TBL1XR1: variants seen among roughly 807,000 people sequenced by gnomAD.
TBL1XR1 encodes TBL1X/Y related 1.
Under a neutral mutation model 66.9 loss-of-function variants are expected in TBL1XR1, and 5 were observed. The observed-to-expected ratio is 0.07, with a 90% CI of 0.04 to 0.16. TBL1XR1 has a LOEUF of 0.16. Among genes scored for constraint, TBL1XR1 ranks in the 10% least tolerant of loss-of-function variants. The pLI, the probability that TBL1XR1 is intolerant of heterozygous loss-of-function variation, is 1.00. For synonymous variants in TBL1XR1, 210 were observed against 206.0 expected, an observed-to-expected ratio of 1.02 and a Z score of -0.17; for missense variants, 238 against 623.2, an observed-to-expected ratio of 0.38 and a Z score of 6.58.
At chr3:177,097,341 C>G (rs915422760) in intron 2 of TBL1XR1, among the ~76,000 whole-genome samples, 1 of 151,674 alleles carries the variant, frequency 6.6e-6, no homozygotes, top group African/African-American at 2.4e-5. Context: ...TTATTTATCC[C>G]CAAAATACAC....
At chr3:177,037,235 AT>A (rs1183860862) in intron 12 of TBL1XR1, among the ~76,000 whole-genome samples, 1 of 152,186 alleles carries the variant, frequency 6.6e-6, no homozygotes, top group Non-Finnish European at 1.5e-5. Flanking sequence ...TTGAGTACTT[AT>A]TAAGTCAAAT....
chr3:177,142,240 A>T (rs1729720229), intron 1 of TBL1XR1, among the ~76,000 whole-genome samples: 1 of 152,234 alleles, frequency 6.6e-6, no homozygotes, highest in African/African-American at 2.4e-5. Context: ...TGGAAGCAGC[A>T]GCAGAAGTAC....
rs1327286156 is a variant in TBL1XR1 at position 177,181,098 on chromosome 3, ACT to A, written c.-122+16021_-122+16022del. On this transcript the variant is annotated intron_variant, in intron 1 of 15. Transcript: ENST00000457928. ...GAAGTAGAGGATGTTGCCTCAGCTC[ACT>A]CTGACAACTCGGTGTTGCCATCACC... 4.6e-5 allele frequency among the ~76,000 whole-genome samples: 7 copies of A among 151,818 alleles called. No individual in the cohort carries two copies. In the East Asian group the frequency reaches 1.4e-3, roughly 30 times the overall value.
intron 5 of TBL1XR1, among the ~76,000 whole-genome samples, chr3:177,050,861 A>T (rs1243917518): frequency 6.6e-6 from 1 of 152,124 alleles, no homozygotes; most frequent in African/African-American, 2.4e-5. Flanking sequence ...GAGACTTTAA[A>T]TGATTAGACC....
rs1265523313 is a variant in TBL1XR1 at position 177,024,071 on chromosome 3, G to C, written c.*1427C>G. On this transcript the variant is annotated 3_prime_UTR_variant, in exon 16 of 16. Coordinates refer to ENST00000457928, the MANE Select transcript of TBL1XR1 (RefSeq NM_024665.7). ...AAGAAAATACTTGATATTATAAACA[G>C]AGTAAAAGACATGATATAGTAGTGA... The C allele has an allele frequency of 1.3e-5, 2 of 151,296 alleles. No individual in the cohort carries two copies. The highest frequency in any genetic ancestry group is 1.3e-4 in the Admixed American group (2 of 15,158). The allele number at this position is 151,296 out of a possible 1,614,324, so 9.4% of individuals were successfully genotyped here. A position where few individuals can be genotyped will look rare whatever the true frequency, so the allele number is the denominator to read the frequency against.
At chr3:177,041,530 C>T (rs1374717787) in intron 10 of TBL1XR1, among the ~76,000 whole-genome samples, 1 of 152,160 alleles carries the variant, frequency 6.6e-6, no homozygotes, top group African/African-American at 2.4e-5. Flanking sequence ...TGGCACAGGG[C>T]CTGCCTTTTG....
intron 1 of TBL1XR1, among the ~76,000 whole-genome samples, chr3:177,114,964 G>A (rs1390341214): frequency 6.6e-6 from 1 of 151,814 alleles, no homozygotes; most frequent in Non-Finnish European, 1.5e-5. Flanking sequence ...GGGCAACAGA[G>A]TAAGACCTTG....
chr3:177,110,118 T>C (rs1725377286), intron 1 of TBL1XR1, among the ~76,000 whole-genome samples: 1 of 152,200 alleles, frequency 6.6e-6, no homozygotes, highest in Non-Finnish European at 1.5e-5. Flanking sequence ...ATAATTGACA[T>C]GTTGTATATG....
chr3:177,165,568 T>TA (rs1040207533), intron 1 of TBL1XR1, among the ~76,000 whole-genome samples: 1 of 152,128 alleles, frequency 6.6e-6, no homozygotes, highest in Admixed American at 6.5e-5. Context: ...CAAGACTTCC[T>TA]AAAAAGCTAC....
intron 2 of TBL1XR1, among the ~76,000 whole-genome samples, chr3:177,077,828 A>C (rs1291788856): frequency 2.0e-5 from 3 of 152,234 alleles, no homozygotes; most frequent in African/African-American, 7.2e-5. Flanking sequence ...TGTACCCCTA[A>C]GTGCAGTTTT....
chr3:177,157,852 A>T (rs1252158192), intron 1 of TBL1XR1, among the ~76,000 whole-genome samples: 1 of 152,238 alleles, frequency 6.6e-6, no homozygotes, highest in Non-Finnish European at 1.5e-5. Context: ...CTTCGTCTTA[A>T]ATTGTGGTAG....
At chr3:177,035,449 C>G (rs2108420825) in intron 12 of TBL1XR1, among the ~76,000 whole-genome samples, 1 of 143,590 alleles carries the variant, frequency 7.0e-6, no homozygotes, top group South Asian at 2.2e-4. Flanking sequence ...AAGTCTCACT[C>G]TCTTGCCCAG....
At chr3:177,065,815 G>A (rs1719082199) in intron 2 of TBL1XR1, among the ~76,000 whole-genome samples, 1 of 152,202 alleles carries the variant, frequency 6.6e-6, no homozygotes, top group South Asian at 2.1e-4. Context: ...GCTGTGTGGT[G>A]CAAAAGCAGC....
chr3:177,123,250 T>C (rs73187549), intron 1 of TBL1XR1, among the ~76,000 whole-genome samples: 10,413 of 152,142 alleles, frequency 0.068, 517 homozygotes, highest in Admixed American at 0.17. Context: ...AGTATTTACC[T>C]TCCTAATCAT....
chr3:177,032,926 A>G (rs1341994828), intron 14 of TBL1XR1, 45 bp downstream of exon 14: 6 of 1,429,740 alleles, frequency 4.2e-6, no homozygotes, highest in Non-Finnish European at 4.6e-6. Context: ...AAATGCTTCT[A>G]CCTAAATTTA....
rs1157792349 is a variant in TBL1XR1 at position 177,038,110 on chromosome 3, G to A, written c.1110C>T (p.Asp370=). ...TGNLLASCSD[D]MTLKIWSMKQ... Reference sequence around the variant, plus strand: ...CTAAGCAAATTACCTTTAAAGTCATGTCGTCAGAACAGGAGGCCAAGAGAT... The same window carrying A: ...CTAAGCAAATTACCTTTAAAGTCATATCGTCAGAACAGGAGGCCAAGAGAT... The change falls in exon 12 of 16, where the codon GAC becomes GAT. Residue 370 remains aspartate (D), a synonymous_variant. Coordinates refer to ENST00000457928, the MANE Select transcript of TBL1XR1 (RefSeq NM_024665.7). 2 of 1,612,370 alleles carry A rather than the reference G, an allele frequency of 1.2e-6. No homozygotes were observed. The highest frequency in any genetic ancestry group is 1.7e-6 in the Non-Finnish European group (2 of 1,179,728).
chr3:177,075,253 A>G (rs1345834275), intron 2 of TBL1XR1, among the ~76,000 whole-genome samples: 1 of 152,160 alleles, frequency 6.6e-6, no homozygotes, highest in Admixed American at 6.5e-5. Flanking sequence ...CCATTTTCAC[A>G]TGGCCACCTT....
At chr3:177,138,987 C>T (rs547352673) in intron 1 of TBL1XR1, among the ~76,000 whole-genome samples, 1 of 152,242 alleles carries the variant, frequency 6.6e-6, no homozygotes, top group African/African-American at 2.4e-5. Flanking sequence ...GAAAAAGAAC[C>T]AATATACATA....
chr3:177,073,047 AAGAG>A (rs1010092972), intron 2 of TBL1XR1, among the ~76,000 whole-genome samples: 1 of 152,142 alleles, frequency 6.6e-6, no homozygotes, highest in Non-Finnish European at 1.5e-5. Context: ...CTGGGTGACA[AAGAG>A]AGAGTTTGAT....
Sources: gnomAD v4.1 joint callset for allele counts (sites outside exome capture counted in the v4.1 genomes callset) on GRCh38, gnomAD v4.1.1 for gene constraint, MANE v1.5 for transcripts, NCBI Gene and HGNC (gene_info 2026-07-23, HGNC 2026-07-21) for gene names.